Variants in CA10 observed in about 807,000 individuals in gnomAD.
CA10 encodes the protein carbonic anhydrase-related protein 10.
In CA10, 14 loss-of-function variants were observed where a neutral mutation model predicts 44.2. The ratio of observed to expected loss-of-function variants is 0.32; its 90% CI spans 0.21 to 0.50. The LOEUF (loss-of-function observed/expected upper bound fraction) is 0.50, where lower values mean the gene tolerates loss of function less well. Among genes scored for constraint, CA10 ranks in the 20% least tolerant of loss-of-function variants. The pLI, the probability that CA10 is intolerant of heterozygous loss-of-function variation, is 0.99. For missense variants in CA10, 350 were observed against 409.7 expected (o/e 0.85, Z 1.26); for synonymous variants, 159 against 141.6 (o/e 1.12, Z -0.87).
chr17:52,102,084 A>T (rs1353761735), intron 1 of CA10, among the ~76,000 whole-genome samples: 12 of 152,192 alleles, frequency 7.9e-5, no homozygotes, highest in Admixed American at 6.5e-4. Context: ...TGACACCAGC[A>T]GCTCTGCTTT....
At chr17:51,849,231 G>GTATATA (rs1441221955) in intron 3 of CA10, among the ~76,000 whole-genome samples, 1 of 55,882 alleles carries the variant, frequency 1.8e-5, no homozygotes, top group Non-Finnish European at 5.0e-5. Context: ...ATATATGTGT[G>GTATATA]TGTATATATA....
chr17:51,937,281 C>T (rs889899263), intron 2 of CA10, among the ~76,000 whole-genome samples: 2 of 152,268 alleles, frequency 1.3e-5, no homozygotes, highest in Admixed American at 1.3e-4. Context: ...CCTCACCAAT[C>T]CTGATTTACT....
chr17:51,813,328 T>A (rs1179777415), intron 3 of CA10, among the ~76,000 whole-genome samples: 2 of 152,230 alleles, frequency 1.3e-5, no homozygotes, highest in Non-Finnish European at 2.9e-5. Flanking sequence ...ACACCTACGG[T>A]GCAGGTTTTT....
At chr17:52,130,587 C>T (rs745491123) in intron 1 of CA10, among the ~76,000 whole-genome samples, 3 of 152,166 alleles carry the variant, frequency 2.0e-5, no homozygotes, top group South Asian at 2.1e-4. Flanking sequence ...ATATGTGGAA[C>T]GTAATAAAGT....
intron 2 of CA10, among the ~76,000 whole-genome samples, chr17:52,044,750 G>A (rs917807922): frequency 8.5e-6 from 1 of 117,374 alleles, no homozygotes; most frequent in African/African-American, 3.3e-5. Context: ...TCTTGAACTA[G>A]AAGAAACAGC....
intron 4 of CA10, among the ~76,000 whole-genome samples, chr17:51,704,277 A>G (rs1291867082): frequency 6.6e-6 from 1 of 152,176 alleles, no homozygotes; most frequent in African/African-American, 2.4e-5. Context: ...TGGAGATTCT[A>G]TACTAAATAT....
intron 3 of CA10, among the ~76,000 whole-genome samples, chr17:51,845,785 A>G (rs1357108529): frequency 1.3e-5 from 2 of 152,190 alleles, no homozygotes; most frequent in Non-Finnish European, 2.9e-5. Context: ...TAGGCCCATC[A>G]TCTCTGATAT....
chr17:52,105,387 T>C (rs935218478), intron 1 of CA10, among the ~76,000 whole-genome samples: 4 of 152,132 alleles, frequency 2.6e-5, no homozygotes, highest in African/African-American at 9.7e-5. Context: ...CCCGAATAGC[T>C]GGGACTACAG....
chr17:51,890,837 T>A (rs1051441781), intron 3 of CA10, among the ~76,000 whole-genome samples: 2 of 152,318 alleles, frequency 1.3e-5, no homozygotes, highest in South Asian at 4.1e-4. Context: ...AGTTGACAGT[T>A]ATGCCAGGAG....
intron 2 of CA10, among the ~76,000 whole-genome samples, chr17:51,948,928 C>A (rs1261817922): frequency 6.6e-6 from 1 of 151,988 alleles, no homozygotes; most frequent in Non-Finnish European, 1.5e-5. Flanking sequence ...CATGATAGAT[C>A]ACTATTACTG....
chr17:51,917,505 T>C (rs899794270), intron 3 of CA10, among the ~76,000 whole-genome samples: 7 of 152,106 alleles, frequency 4.6e-5, no homozygotes, highest in Non-Finnish European at 1.0e-4. Context: ...CGAAAAGAGG[T>C]TTAAGTGGCT....
intron 3 of CA10, among the ~76,000 whole-genome samples, chr17:51,831,626 G>A (rs1908243483): frequency 6.9e-6 from 1 of 145,378 alleles, no homozygotes; most frequent in Non-Finnish European, 1.5e-5. Flanking sequence ...CAAAAAAGAG[G>A]AAGGCATCTT....
chr17:51,943,566 C>T (rs1983164827), intron 2 of CA10, among the ~76,000 whole-genome samples: 1 of 152,204 alleles, frequency 6.6e-6, no homozygotes, highest in African/African-American at 2.4e-5. Flanking sequence ...GTTCCACCAA[C>T]AAGCCTTTGC....
At chr17:52,045,515 T>C (rs1986888305) in intron 2 of CA10, among the ~76,000 whole-genome samples, 1 of 152,028 alleles carries the variant, frequency 6.6e-6, no homozygotes, top group Non-Finnish European at 1.5e-5. Flanking sequence ...GAATAAAATA[T>C]ATGACATTAA....
chr17:51,931,000 C>G lies in CA10; in HGVS notation c.269G>C (p.Gly90Ala), dbSNP rs769454483. 5 of 1,613,010 alleles carry G rather than the reference C, an allele frequency of 3.1e-6. No homozygotes were observed. The highest frequency in any genetic ancestry group is 2.2e-5 in the East Asian group (1 of 44,848). The change falls in exon 3 of 9, where the codon GGG (glycine) becomes GCG (alanine). Residue 90 changes from glycine (G) to alanine (A), a missense_variant. Gly to Ala is a moderately conservative substitution (Grantham distance 60). Transcript: ENST00000451037. ...PFLTPLRINT[G>A]GRKVSGTMYN... is the part of the protein sequence containing the mutation. ...AATATGGTGGCTTACCTTCCTGCCC[C>G]CCGTGTTGATGCGAAGAGGTGTCAG... is the stretch of plus-strand genomic sequence containing the variant.
At chr17:51,983,667 C>A (rs1348603557) in intron 2 of CA10, among the ~76,000 whole-genome samples, 1 of 151,420 alleles carries the variant, frequency 6.6e-6, no homozygotes, top group Non-Finnish European at 1.5e-5. Flanking sequence ...AAATAAGACA[C>A]CATGTCTGGC....
intron 3 of CA10, among the ~76,000 whole-genome samples, chr17:51,832,683 GC>G (rs1418772518): frequency 2.0e-5 from 3 of 152,196 alleles, no homozygotes; most frequent in African/African-American, 7.2e-5. Flanking sequence ...AAAACCAGGA[GC>G]TTTAAGGTGA....
intron 2 of CA10, among the ~76,000 whole-genome samples, chr17:52,043,160 A>T (rs540923482): frequency 1.3e-5 from 2 of 152,192 alleles, no homozygotes; most frequent in South Asian, 4.1e-4. Context: ...GAATCTGTAG[A>T]TAACTTTTCG....
chr17:51,701,867 T>A (rs1915614917), intron 4 of CA10, among the ~76,000 whole-genome samples: 1 of 152,196 alleles, frequency 6.6e-6, no homozygotes, highest in Non-Finnish European at 1.5e-5. Context: ...CTGAGACACA[T>A]TGTCTCCACT....
Sources: allele counts gnomAD v4.1 joint callset (sites outside exome capture counted in the v4.1 genomes callset), GRCh38; gene constraint gnomAD v4.1.1; transcripts MANE v1.5; gene names NCBI Gene and HGNC (gene_info 2026-07-23, HGNC 2026-07-21).